Variants in SPMIP11 observed in about 807,000 individuals in gnomAD.
SPMIP11 encodes the protein sperm microtubule inner protein 11.
the SPMIP11 span, among the ~76,000 whole-genome samples, chr12:48,746,741 C>A: frequency 1.3e-5 from 2 of 151,700 alleles, no homozygotes; most frequent in Non-Finnish European, 2.9e-5. Flanking sequence ...GCCAACATGG[C>A]GAAACCCTGT....
chr12:48,765,614 G>T, the SPMIP11 span: 5 of 702,848 alleles, frequency 7.1e-6, no homozygotes, highest in Non-Finnish European at 1.0e-5. Context: ...CAGGTTTATG[G>T]ATCACTCTAT....
chr12:48,729,153 G>A, the SPMIP11 span, among the ~76,000 whole-genome samples: 1 of 152,182 alleles, frequency 6.6e-6, no homozygotes, highest in East Asian at 1.9e-4. Context: ...TGTAATCCCA[G>A]CACTTTGAGA....
At chr12:48,744,827 AAAG>A in the SPMIP11 span, among the ~76,000 whole-genome samples, 2 of 148,960 alleles carry the variant, frequency 1.3e-5, no homozygotes, top group East Asian at 1.9e-4. Context: ...GAAGAAGAAG[AAAG>A]AAGAAGAAAA....
At chr12:48,764,964 C>A in the SPMIP11 span, 48 of 702,836 alleles carry the variant, frequency 6.8e-5, no homozygotes, top group Non-Finnish European at 9.4e-5. Context: ...CCGGAGCCCA[C>A]GCCATTGTCT....
the SPMIP11 span, among the ~76,000 whole-genome samples, chr12:48,738,684 G>A: frequency 5.3e-5 from 8 of 152,054 alleles, no homozygotes; most frequent in South Asian, 2.1e-4. Flanking sequence ...ACAGGCGCCC[G>A]CCACCACGTA....
the SPMIP11 span, among the ~76,000 whole-genome samples, chr12:48,769,768 T>C: frequency 6.7e-6 from 1 of 149,494 alleles, no homozygotes; most frequent in East Asian, 2.0e-4. Context: ...TGTTTTTTTT[T>C]TTTTTTTGGG....
chr12:48,728,796 A>G, the SPMIP11 span, among the ~76,000 whole-genome samples: 3 of 152,088 alleles, frequency 2.0e-5, no homozygotes, highest in Non-Finnish European at 4.4e-5. Flanking sequence ...GTGAATTCCA[A>G]GTTCGTGGGT....
chr12:48,771,135 G>A, the SPMIP11 span: 5 of 688,086 alleles, frequency 7.3e-6, no homozygotes, highest in Admixed American at 8.4e-5. The surrounding 1 kb of genome is among the most constrained non-coding windows in gnomAD (Gnocchi z 4.3). Context: ...TGGGAAAACA[G>A]GCAGCCTAGG....
the SPMIP11 span, among the ~76,000 whole-genome samples, chr12:48,736,413 CAA>C: frequency 9.6e-3 from 686 of 71,818 alleles, 1 homozygote; most frequent in African/African-American, 0.032. Context: ...GACTCTGTCT[CAA>C]AAAAAAAAAA....
At chr12:48,740,748 A>T in the SPMIP11 span, among the ~76,000 whole-genome samples, 1 of 151,732 alleles carries the variant, frequency 6.6e-6, no homozygotes, top group African/African-American at 2.4e-5. Context: ...TTAGCCAGGC[A>T]TGGTGGCCGG....
At chr12:48,731,515 TTC>T in the SPMIP11 span, among the ~76,000 whole-genome samples, 1 of 151,974 alleles carries the variant, frequency 6.6e-6, no homozygotes, top group Non-Finnish European at 1.5e-5. Flanking sequence ...AATTATTCAC[TTC>T]TCCCCAGCAA....
the SPMIP11 span, chr12:48,765,821 G>A: frequency 4.8e-6 from 3 of 621,576 alleles, no homozygotes; most frequent in Non-Finnish European, 8.7e-6. Context: ...GAGCTGTGGG[G>A]TCAGGATGGG....
the SPMIP11 span, among the ~76,000 whole-genome samples, chr12:48,769,775 T>G: frequency 1.5e-3 from 216 of 147,944 alleles, 1 homozygote; most frequent in African/African-American, 3.0e-3. Flanking sequence ...TTTTTTTTTT[T>G]GGGGGGGACA....
the SPMIP11 span, among the ~76,000 whole-genome samples, chr12:48,742,128 T>C: frequency 6.6e-6 from 1 of 152,162 alleles, no homozygotes; most frequent in Admixed American, 6.6e-5. Flanking sequence ...TTGCCCAGGT[T>C]GGTCTCGAGC....
chr12:48,733,119 G>C, the SPMIP11 span, among the ~76,000 whole-genome samples: 1 of 131,908 alleles, frequency 7.6e-6, no homozygotes, highest in African/African-American at 2.8e-5. Context: ...CTTTCGCCCA[G>C]GCTGGAGTGC....
At chr12:48,742,278 C>CTTTTTTT in the SPMIP11 span, among the ~76,000 whole-genome samples, 2 of 135,926 alleles carry the variant, frequency 1.5e-5, no homozygotes, top group African/African-American at 5.8e-5. Flanking sequence ...TTTTCTTTTC[C>CTTTTTTT]TTTTTTTTTT....
the SPMIP11 span, among the ~76,000 whole-genome samples, chr12:48,746,703 C>T: frequency 6.6e-6 from 1 of 151,422 alleles, no homozygotes; most frequent in Non-Finnish European, 1.5e-5. Context: ...GGTGGATCAT[C>T]TGAGGTCAGG....
the SPMIP11 span, among the ~76,000 whole-genome samples, chr12:48,732,161 A>C: frequency 1.3e-5 from 2 of 151,588 alleles, no homozygotes; most frequent in Non-Finnish European, 2.9e-5. Flanking sequence ...AAAAAAAAAA[A>C]ACATAAAAGC....
At chr12:48,743,351 A>G in the SPMIP11 span, among the ~76,000 whole-genome samples, 1 of 152,140 alleles carries the variant, frequency 6.6e-6, no homozygotes, top group East Asian at 1.9e-4. Context: ...ACTCCATCCA[A>G]TGTGGGTGGC....
Sources: allele counts gnomAD v4.1 joint callset (sites outside exome capture counted in the v4.1 genomes callset), GRCh38; gene constraint gnomAD v4.1.1; non-coding constraint Gnocchi (gnomAD v3.1); transcripts MANE v1.5; gene names NCBI Gene and HGNC (gene_info 2026-07-23, HGNC 2026-07-21).